Variants in DBF4B observed in about 807,000 individuals in gnomAD.
DBF4B encodes the protein DBF4B-CDC7 kinase regulatory subunit, also known as protein DBF4 homolog B.
A neutral mutation model predicts 53.4 loss-of-function variants in DBF4B; 49 were observed. The observed-to-expected ratio is 0.92, with a 90% CI of 0.73 to 1.16. DBF4B has a LOEUF of 1.16. DBF4B is among the 50% of genes most tolerant of loss of function. The pLI is 0.00. For missense variants in DBF4B, 692 were observed against 775.0 expected (o/e 0.89, Z 1.27); for synonymous variants, 257 against 288.7 (o/e 0.89, Z 1.11).
At chr17:44,738,955 T>G (rs1363003040) in intron 9 of DBF4B, among the ~76,000 whole-genome samples, 1 of 152,058 alleles carries the variant, frequency 6.6e-6, no homozygotes, top group East Asian at 1.9e-4. Flanking sequence ...CAGCCCTGGG[T>G]GAAAAAAGCA....
intron 8 of DBF4B, 62 bp downstream of exon 8, chr17:44,736,928 G>C: frequency 6.4e-7 from 1 of 1,573,828 alleles, no homozygotes; most frequent in Non-Finnish European, 8.7e-7. Context: ...ACTTCCCCAC[G>C]ACTCCCTCTG....
chr17:44,723,674 G>T (rs1008151613), intron 3 of DBF4B, among the ~76,000 whole-genome samples: 2 of 151,736 alleles, frequency 1.3e-5, no homozygotes, highest in Admixed American at 1.3e-4. Flanking sequence ...CAGGAGGATT[G>T]TTTGGACCTG....
intron 13 of DBF4B, chr17:44,748,820 A>C (rs1345752087): frequency 7.7e-7 from 1 of 1,296,544 alleles, no homozygotes; most frequent in Non-Finnish European, 1.0e-6. Flanking sequence ...ACTAGTGGCA[A>C]GCGTCTTCCC....
At chr17:44,741,166 T>A (rs535342777) in intron 9 of DBF4B, among the ~76,000 whole-genome samples, 170 bp from the exon 10 acceptor site, 1 of 151,908 alleles carries the variant, frequency 6.6e-6, no homozygotes, top group African/African-American at 2.4e-5. Flanking sequence ...AGGGAGAACA[T>A]ATGTATTAAT....
At position 44,752,015 on chromosome 17, in the gene DBF4B, A is replaced by T; in HGVS notation, c.*762A>T. 6.5e-7 allele frequency: 1 copy of T among 1,529,078 alleles called. No homozygotes were observed. The highest frequency in any genetic ancestry group is 2.4e-5 in the East Asian group (1 of 40,864). 94.7% of individuals were successfully genotyped at this position (1,529,078 alleles called of 1,614,324 possible). ...CTCCAGCCCTAACTACTTTACTCAGACTAGGTCCCCAGGCCTTTGTTCTTG... is the reference window on the plus strand; with the variant it reads ...CTCCAGCCCTAACTACTTTACTCAGTCTAGGTCCCCAGGCCTTTGTTCTTG... On this transcript the variant is annotated 3_prime_UTR_variant, in exon 14 of 14. Coordinates refer to ENST00000315005, the MANE Select transcript of DBF4B (RefSeq NM_145663.3).
intron 2 of DBF4B, among the ~76,000 whole-genome samples, chr17:44,721,693 G>C (rs1487232362): frequency 7.2e-5 from 11 of 151,760 alleles, no homozygotes; most frequent in African/African-American, 2.7e-4. Flanking sequence ...GCTTTCTTCA[G>C]TTGCCTCATG....
intron 10 of DBF4B, among the ~76,000 whole-genome samples, chr17:44,746,270 G>T (rs936167387): frequency 1.1e-4 from 17 of 150,684 alleles, no homozygotes; most frequent in African/African-American, 4.2e-4. Flanking sequence ...TTTGAGGAAG[G>T]TTTGAAAATC....
intron 2 of DBF4B, among the ~76,000 whole-genome samples, chr17:44,713,923 G>T (rs1439661125): frequency 6.6e-6 from 1 of 151,380 alleles, no homozygotes. Context: ...AATTCTTTTT[G>T]CCTCTTTCCT....
intron 2 of DBF4B, 65 bp downstream of exon 2, chr17:44,709,431 C>G: frequency 6.5e-7 from 1 of 1,538,250 alleles, no homozygotes. Flanking sequence ...TGGAGAAGAC[C>G]GAAAAATGTT....
intron 13 of DBF4B, chr17:44,750,099 G>A (rs979575064): frequency 5.4e-5 from 54 of 994,090 alleles, no homozygotes; most frequent in Non-Finnish European, 6.3e-5. Context: ...CCCGAAGTTC[G>A]GCTGTTCCGG....
intron 2 of DBF4B, among the ~76,000 whole-genome samples, chr17:44,721,121 C>T (rs1973799613): frequency 6.6e-6 from 1 of 151,814 alleles, no homozygotes. Context: ...CTGCCTCAGC[C>T]TCCCAAAGTA....
At chr17:44,741,697 C>G (rs1976047691) in intron 10 of DBF4B, among the ~76,000 whole-genome samples, 1 of 152,196 alleles carries the variant, frequency 6.6e-6, no homozygotes, top group South Asian at 2.1e-4. Flanking sequence ...AGGGCACCCC[C>G]TTCTCCTTAA....
chr17:44,722,372 T>C (rs971305352), intron 2 of DBF4B, among the ~76,000 whole-genome samples: 6 of 152,188 alleles, frequency 3.9e-5, no homozygotes, highest in Non-Finnish European at 5.9e-5. Context: ...TTTCCTCTTA[T>C]CTGTCTCGAA....
intron 8 of DBF4B, 34 bp from the exon 9 acceptor site, chr17:44,738,345 C>CAG (rs769828132): frequency 1.7e-5 from 27 of 1,607,772 alleles, no homozygotes; most frequent in Non-Finnish European, 2.3e-5. Context: ...CAGGGGCAGA[C>CAG]AGATAGCTGA....
intron 3 of DBF4B, among the ~76,000 whole-genome samples, chr17:44,724,675 A>G (rs892205242): frequency 3.3e-5 from 5 of 151,770 alleles, no homozygotes; most frequent in African/African-American, 1.2e-4. Flanking sequence ...CACCATGCCC[A>G]GCCAAAAAAA....
In DBF4B at chr17:44,747,199, C is replaced by A; in HGVS notation, c.939+8C>A. 6.2e-7 allele frequency: 1 copy of A among 1,613,608 alleles called. No individual in the cohort carries two copies. Among genetic ancestry groups the A allele is most frequent in the Non-Finnish European group, 8.5e-7 (1 of 1,179,718 alleles). ...TTCGAGGAGCTCCATGTGGTGAGCC[C>A]CTTCCCCATTAAGCAGCTGCTCCCA... On this transcript the variant is annotated splice_region_variant and intron_variant, in intron 11 of 13. Coordinates refer to ENST00000315005, the MANE Select transcript of DBF4B (RefSeq NM_145663.3).
intron 3 of DBF4B, among the ~76,000 whole-genome samples, chr17:44,727,112 A>C (rs1332080883): frequency 3.3e-5 from 5 of 149,502 alleles, no homozygotes; most frequent in Admixed American, 1.3e-4. Context: ...AAAAAAAAAA[A>C]AAAAAAAAAA....
chr17:44,716,901 T>C (rs114513063), intron 2 of DBF4B, among the ~76,000 whole-genome samples: 314 of 152,300 alleles, frequency 2.1e-3, no homozygotes, highest in African/African-American at 7.3e-3. Context: ...TCTTATCTCC[T>C]GTCTGTTTTT....
rs768889387 is a variant in DBF4B at position 44,751,193 on chromosome 17, A to T, written c.1788A>T (p.Gln596His). ...DLGHLCQAKP[Q>H]GWNTPQPFLH... ...GACATCTCTGCCAGGCCAAACCCCA[A>T]GGCTGGAACACTCCTCAGCCATTTC... Residue 596 changes from glutamine (Q) to histidine (H), a missense_variant, in exon 14 of 14, where the codon CAA becomes CAT. By Grantham distance (24) the Gln-to-His change is conservative (BLOSUM62 0). Around this residue, in one of 3 missense-constraint regions of DBF4B, gnomAD observed 597 missense variants for 665.8 expected, o/e 0.90. Transcript: ENST00000315005. 9 of 1,613,978 alleles carry T rather than the reference A, an allele frequency of 5.6e-6. No homozygotes were observed. In the South Asian group the frequency reaches 9.9e-5, roughly 18 times the overall value.
Sources: allele counts gnomAD v4.1 joint callset (sites outside exome capture counted in the v4.1 genomes callset), GRCh38; gene constraint gnomAD v4.1.1; regional missense constraint gnomAD v4.1.1; transcripts MANE v1.5; gene names NCBI Gene and HGNC (gene_info 2026-07-23, HGNC 2026-07-21).